The following CNBP variants were observed in gnomAD, a reference collection of about 807,000 sequenced individuals.
The protein encoded by CNBP is CCHC-type zinc finger nucleic acid binding protein, also known as cellular nucleic acid-binding protein.
A neutral mutation model predicts 21.2 loss-of-function variants in CNBP; 6 were observed. The ratio of observed to expected loss-of-function variants is 0.28; its 90% CI spans 0.16 to 0.56. The LOEUF (loss-of-function observed/expected upper bound fraction) is 0.56. Among genes scored for constraint, CNBP ranks in the 20% least tolerant of loss-of-function variants. The pLI is 0.93. For synonymous variants in CNBP, 61 were observed against 74.9 expected (o/e 0.81, Z 0.96); for missense variants, 112 against 233.1 (o/e 0.48, Z 3.38).
chr3:129,178,889 C>T (rs1938098179), intron 1 of CNBP, among the ~76,000 whole-genome samples: 1 of 152,050 alleles, frequency 6.6e-6, no homozygotes, highest in Admixed American at 6.6e-5. Flanking sequence ...ACTACAGGTG[C>T]CCACCACGAC....
chr3:129,175,209 A>C (rs1362191307), intron 1 of CNBP, among the ~76,000 whole-genome samples: 2 of 151,770 alleles, frequency 1.3e-5, no homozygotes, highest in Non-Finnish European at 2.9e-5. Flanking sequence ...CTGTAGTCCT[A>C]GCTACTCGAG....
chr3:129,172,830 G>A (rs1386117612), intron 1 of CNBP, among the ~76,000 whole-genome samples: 2 of 151,876 alleles, frequency 1.3e-5, no homozygotes, highest in Admixed American at 6.6e-5. Context: ...GCAAATAGAA[G>A]TCATTTATTT....
chr3:129,172,939 C>T (rs908142110), intron 1 of CNBP, among the ~76,000 whole-genome samples: 1 of 152,156 alleles, frequency 6.6e-6, no homozygotes, highest in Admixed American at 6.6e-5. Context: ...TTAACCTTAG[C>T]ACCTGACGTA....
chr3:129,182,283 T>C (rs1304199375), intron 1 of CNBP, among the ~76,000 whole-genome samples: 1 of 152,186 alleles, frequency 6.6e-6, no homozygotes, highest in African/African-American at 2.4e-5. Context: ...CTCCTTCACT[T>C]TGAGAAAGAC....
chr3:129,176,828 A>T (rs938352073), intron 1 of CNBP, among the ~76,000 whole-genome samples: 1 of 152,114 alleles, frequency 6.6e-6, no homozygotes, highest in African/African-American at 2.4e-5. Context: ...ATTTTTTTTT[A>T]AATCCACTAA....
chr3:129,172,671 GACAGACAGACAGACAGACAGACAGACAC>G (rs1937626163), intron 1 of CNBP, among the ~76,000 whole-genome samples: 1 of 112,928 alleles, frequency 8.9e-6, no homozygotes, highest in African/African-American at 3.5e-5. Flanking sequence ...CAGACAGACA[GACAGACAGACAGACAGACAGACAGACAC>G]ACACACACAC....
chr3:129,176,415 T>C (rs1434848565), intron 1 of CNBP, among the ~76,000 whole-genome samples: 4 of 152,238 alleles, frequency 2.6e-5, no homozygotes, highest in Non-Finnish European at 4.4e-5. Flanking sequence ...TTGCCTTGTA[T>C]CATATTCCTT....
At chr3:129,180,234 A>G (rs997330773) in intron 1 of CNBP, among the ~76,000 whole-genome samples, 2 of 152,152 alleles carry the variant, frequency 1.3e-5, no homozygotes, top group East Asian at 3.8e-4. Flanking sequence ...TTCATTCTGT[A>G]TTTCTCTTTA....
intron 4 of CNBP, 64 bp from the exon 5 acceptor site, chr3:129,170,634 G>A (rs1937550523): frequency 7.8e-7 from 1 of 1,282,094 alleles, no homozygotes; most frequent in East Asian, 2.3e-5. Context: ...CAAAGCAACA[G>A]TCACCATGCA....
chr3:129,183,311 G>A (rs1169236887), intron 1 of CNBP, among the ~76,000 whole-genome samples: 1 of 152,136 alleles, frequency 6.6e-6, no homozygotes, highest in African/African-American at 2.4e-5. Context: ...CACGACCCCA[G>A]CACATGGCCT....
At chr3:129,175,649 C>T (rs1937853601) in intron 1 of CNBP, among the ~76,000 whole-genome samples, 1 of 151,974 alleles carries the variant, frequency 6.6e-6, no homozygotes, top group Non-Finnish European at 1.5e-5. Context: ...AGGATGGTCT[C>T]GATCTCCTGA....
Position 129,171,545 on chromosome 3 carries a change from T to C in CNBP, c.125-7A>G, listed in dbSNP as rs767991238. On this transcript the variant is annotated splice_region_variant and splice_polypyrimidine_tract_variant and intron_variant, in intron 2 of 4. Transcript: ENST00000422453. ...GAGGAAACAAACTGGAAACCTGTTT[T>C]GAGCAAAAACAAAGAATTCGGCTAG... is the stretch of plus-strand genomic sequence containing the variant. 1 of 1,614,126 alleles carries C rather than the reference T, an allele frequency of 6.2e-7. No homozygotes were observed. The highest frequency in any genetic ancestry group is 1.1e-5 in the South Asian group (1 of 91,084).
chr3:129,179,290 G>C (rs924932461), intron 1 of CNBP, among the ~76,000 whole-genome samples: 3 of 151,110 alleles, frequency 2.0e-5, no homozygotes, highest in African/African-American at 7.3e-5. Context: ...AGGAAAAAAA[G>C]AAGAAAAAAA....
chr3:129,174,564 C>T lies in CNBP; in HGVS notation c.-14-2793G>A, dbSNP rs889240832. Reference sequence around the variant, plus strand: ...CCTATAATCCCAGCTACTCAGGAGGCGGAGGCAGGATAATCTCTTGAACCC... The same window carrying T: ...CCTATAATCCCAGCTACTCAGGAGGTGGAGGCAGGATAATCTCTTGAACCC... On this transcript the variant is annotated intron_variant, in intron 1 of 4. Transcript: ENST00000422453. Among the ~76,000 whole-genome samples, 9 of 148,358 alleles carry T rather than the reference C, an allele frequency of 6.1e-5. No individual in the cohort carries two copies. In the Admixed American group the frequency reaches 6.2e-4, roughly 10 times the overall value.
intron 4 of CNBP, 99 bp downstream of exon 4, chr3:129,170,980 G>C: frequency 6.3e-6 from 8 of 1,278,716 alleles, no homozygotes; most frequent in Non-Finnish European, 8.6e-6. Context: ...TCACAGCTAA[G>C]TTTCACTGAA....
At chr3:129,171,586 T>C (rs370108737) in intron 2 of CNBP, 48 bp from the exon 3 acceptor site, 2 of 1,614,132 alleles carry the variant, frequency 1.2e-6, no homozygotes, top group Non-Finnish European at 1.7e-6. Context: ...CCAGTCTTGA[T>C]ACTAACAAAT....
At chr3:129,171,811 G>T (rs1937574200) in intron 1 of CNBP, 40 bp from the exon 2 acceptor site, 1 of 1,570,730 alleles carries the variant, frequency 6.4e-7, no homozygotes, top group Non-Finnish European at 8.6e-7. Context: ...ACCACTGAAA[G>T]TTCTTTTAAC....
chr3:129,171,180 G>A lies in CNBP; in HGVS notation c.315C>T (p.Gly105=), dbSNP rs1937560793. 1 of 1,614,210 alleles carries A rather than the reference G, an allele frequency of 6.2e-7. No homozygotes were observed. Among genetic ancestry groups the A allele is most frequent in the Non-Finnish European group, 8.5e-7 (1 of 1,180,050 alleles). Residue 105 remains glycine (G), a synonymous_variant, in exon 4 of 5, where the codon GGC becomes GGT. Coordinates refer to ENST00000422453, the MANE Select transcript of CNBP (RefSeq NM_003418.5). ...EQCCYNCGKP[G]HLARDCDHAD... is the part of the protein sequence containing the mutation. Reference sequence around the variant, plus strand: ...CATGGTCGCAGTCACGAGCCAGATGGCCTGGTTTGCCACAGTTGTAGCAGC... The same window carrying A: ...CATGGTCGCAGTCACGAGCCAGATGACCTGGTTTGCCACAGTTGTAGCAGC...
At chr3:129,179,573 CTA>C (rs1264518444) in intron 1 of CNBP, among the ~76,000 whole-genome samples, 1 of 152,012 alleles carries the variant, frequency 6.6e-6, no homozygotes, top group Non-Finnish European at 1.5e-5. Context: ...TAATGACAAA[CTA>C]AACATCTGAC....
Sources: allele counts gnomAD v4.1 joint callset (sites outside exome capture counted in the v4.1 genomes callset), GRCh38; gene constraint gnomAD v4.1.1; transcripts MANE v1.5; gene names NCBI Gene and HGNC (gene_info 2026-07-23, HGNC 2026-07-21).